Variants in COX10 observed in about 807,000 individuals in gnomAD.
The protein encoded by COX10 is protoheme IX farnesyltransferase, mitochondrial.
Under a neutral mutation model 37.3 loss-of-function variants are expected in COX10, and 27 were observed. That is an observed-to-expected ratio of 0.72 (90% CI 0.53 to 1.00). COX10 has a LOEUF of 1.00. Ranked by LOEUF, COX10 falls within the 50% of genes least tolerant of loss-of-function variation. COX10 has a pLI of 0.00. For synonymous variants in COX10, 222 were observed against 229.1 expected (o/e 0.97, Z 0.28); for missense variants, 475 against 563.2 (o/e 0.84, Z 1.59).
intron 4 of COX10, among the ~76,000 whole-genome samples, chr17:14,147,163 A>G (rs1238507213): frequency 6.7e-6 from 1 of 149,694 alleles, no homozygotes; most frequent in Non-Finnish European, 1.5e-5. Flanking sequence ...CCCAAAAGAA[A>G]GGAAATCAGT....
chr17:14,102,671 T>A (rs775852444), intron 4 of COX10, among the ~76,000 whole-genome samples: 4 of 152,160 alleles, frequency 2.6e-5, no homozygotes, highest in Admixed American at 1.3e-4. Context: ...CAGCTATTTT[T>A]AAAAAATCAT....
At chr17:14,091,049 T>C (rs1915516712) in intron 3 of COX10, among the ~76,000 whole-genome samples, 1 of 152,198 alleles carries the variant, frequency 6.6e-6, no homozygotes, top group African/African-American at 2.4e-5. Flanking sequence ...TTTACTGTAC[T>C]GTAGTAGTTT....
intron 4 of COX10, among the ~76,000 whole-genome samples, chr17:14,117,971 G>A (rs896073600): frequency 9.9e-5 from 15 of 152,014 alleles, no homozygotes; most frequent in Non-Finnish European, 1.8e-4. Flanking sequence ...GTCGTCTCCC[G>A]GAGTCAGGCC....
At chr17:14,104,028 G>T (rs776669877) in intron 4 of COX10, among the ~76,000 whole-genome samples, 1 of 152,034 alleles carries the variant, frequency 6.6e-6, no homozygotes, top group Non-Finnish European at 1.5e-5. Context: ...CTGATCTTCC[G>T]CTGGAACTCC....
chr17:14,076,740 C>T lies in COX10; in HGVS notation c.183C>T (p.Val61=), dbSNP rs757689603. 1 of 1,614,060 alleles carries T rather than the reference C, an allele frequency of 6.2e-7. No individual in the cohort carries two copies. The highest frequency in any genetic ancestry group is 1.1e-5 in the South Asian group (1 of 91,076). The part of the protein sequence containing the change: ...QHFSFLKRMY[V]TQLNRSHNQQ... ...ATGTGTGCTTTTTTGTTTAGTATGTCACACAGCTGAACAGAAGCCACAACC... is the reference window on the plus strand; with the variant it reads ...ATGTGTGCTTTTTTGTTTAGTATGTTACACAGCTGAACAGAAGCCACAACC... The change falls in exon 3 of 7, where the codon GTC becomes GTT. Residue 61 remains valine, a synonymous_variant. Coordinates refer to ENST00000261643, the MANE Select transcript of COX10 (RefSeq NM_001303.4).
At chr17:14,095,764 C>G (rs1015247909) in intron 3 of COX10, among the ~76,000 whole-genome samples, 15 of 152,084 alleles carry the variant, frequency 9.9e-5, no homozygotes, top group African/African-American at 2.9e-4. Flanking sequence ...CTTTGCAACT[C>G]TAGGACTGAA....
intron 5 of COX10, among the ~76,000 whole-genome samples, chr17:14,181,115 T>G (rs1905844319): frequency 6.6e-6 from 1 of 151,976 alleles, no homozygotes; most frequent in Non-Finnish European, 1.5e-5. Context: ...AAAATGTCCT[T>G]GGAGGAGTTT....
At chr17:14,167,318 C>A (rs1008814382) in intron 5 of COX10, among the ~76,000 whole-genome samples, 1 of 152,096 alleles carries the variant, frequency 6.6e-6, no homozygotes, top group South Asian at 2.1e-4. Flanking sequence ...GTATTTCTGA[C>A]GAAGATGCTG....
At chr17:14,134,858 T>C (rs1425902516) in intron 4 of COX10, among the ~76,000 whole-genome samples, 1 of 151,668 alleles carries the variant, frequency 6.6e-6, no homozygotes, top group Non-Finnish European at 1.5e-5. Flanking sequence ...ATAGAGAGAT[T>C]GCATGTAGCC....
chr17:14,196,138 A>ATAATT (rs1204082508), intron 6 of COX10, among the ~76,000 whole-genome samples: 3 of 152,092 alleles, frequency 2.0e-5, no homozygotes, highest in African/African-American at 4.8e-5. Flanking sequence ...TTAGATCACC[A>ATAATT]CCTTTATAAA....
chr17:14,069,548 C>G lies in COX10; in HGVS notation c.-58C>G. On this transcript the variant is annotated 5_prime_UTR_variant, in exon 1 of 7. Transcript: ENST00000261643. ...GGGGAAGGAAGATGGCGGCGCCCAG[C>G]GTCCCGTGAGGAGAGAGGACACAGG... The G allele has an allele frequency of 6.3e-7, 1 of 1,598,866 alleles. No homozygotes were observed. The highest frequency in any genetic ancestry group is 8.6e-7 in the Non-Finnish European group (1 of 1,168,160).
At chr17:14,117,094 G>T (rs1916131432) in intron 4 of COX10, among the ~76,000 whole-genome samples, 1 of 152,024 alleles carries the variant, frequency 6.6e-6, no homozygotes, top group Non-Finnish European at 1.5e-5. Context: ...TTTGTTAGTT[G>T]TCAGTATTGT....
chr17:14,124,750 TTATC>T (rs755392112), intron 4 of COX10, among the ~76,000 whole-genome samples: 40 of 152,182 alleles, frequency 2.6e-4, no homozygotes, highest in Non-Finnish European at 5.6e-4. Flanking sequence ...TTTCATTTCT[TTATC>T]TATCATAATG....
chr17:14,071,491 A>C (rs192992693), intron 1 of COX10, among the ~76,000 whole-genome samples: 32 of 152,316 alleles, frequency 2.1e-4, no homozygotes, highest in Admixed American at 2.1e-3. Context: ...TGGTGGGACA[A>C]GGTGGCAGAG....
chr17:14,094,891 G>T (rs1462538413), intron 3 of COX10, among the ~76,000 whole-genome samples: 1 of 152,212 alleles, frequency 6.6e-6, no homozygotes, highest in African/African-American at 2.4e-5. Flanking sequence ...GGTGCCCTTG[G>T]CACGGACAGG....
intron 4 of COX10, among the ~76,000 whole-genome samples, chr17:14,128,401 A>C (rs1916391393): frequency 6.6e-6 from 1 of 152,132 alleles, no homozygotes; most frequent in South Asian, 2.1e-4. Context: ...AAAATACTAA[A>C]TATCAGATAT....
chr17:14,167,106 A>G (rs759806641), intron 5 of COX10, among the ~76,000 whole-genome samples: 4 of 152,150 alleles, frequency 2.6e-5, no homozygotes, highest in Non-Finnish European at 5.9e-5. Flanking sequence ...GGTTTGAAAA[A>G]AGTTGCTTCC....
intron 3 of COX10, among the ~76,000 whole-genome samples, chr17:14,100,763 A>T (rs1275483236): frequency 6.6e-6 from 1 of 152,214 alleles, no homozygotes; most frequent in Non-Finnish European, 1.5e-5. Flanking sequence ...ATCTGTTTTC[A>T]TTTTAAAAAC....
At chr17:14,111,247 G>A (rs1334739945) in intron 4 of COX10, among the ~76,000 whole-genome samples, 1 of 152,014 alleles carries the variant, frequency 6.6e-6, no homozygotes, top group Non-Finnish European at 1.5e-5. Flanking sequence ...ATATTGTTGG[G>A]CAAGAAAGGG....
Sources: gnomAD v4.1 joint callset for allele counts (sites outside exome capture counted in the v4.1 genomes callset) on GRCh38, gnomAD v4.1.1 for gene constraint, MANE v1.5 for transcripts, NCBI Gene and HGNC (gene_info 2026-07-23, HGNC 2026-07-21) for gene names.